The following NT5DC1 variants were observed in gnomAD, a reference collection of about 807,000 sequenced individuals.
The protein encoded by NT5DC1 is 5'-nucleotidase domain containing 1.
NT5DC1 carries 42 observed loss-of-function variants against 59.4 expected under a neutral mutation model. The observed-to-expected ratio is 0.71, with a 90% CI of 0.55 to 0.92. The LOEUF is 0.92. NT5DC1 is among the 40% of genes least tolerant of loss of function. The probability of loss-of-function intolerance (pLI) is 0.00; values close to 1 mark genes in which losing one functional copy is unlikely to be tolerated. For synonymous variants in NT5DC1, 172 were observed against 188.1 expected (o/e 0.91, Z 0.70); for missense variants, 501 against 537.1 (o/e 0.93, Z 0.66).
At chr6:116,111,042 C>T in intron 4 of NT5DC1, 86 bp downstream of exon 4, 1 of 883,706 alleles carries the variant, frequency 1.1e-6, no homozygotes. Flanking sequence ...AGAAGACCCC[C>T]CTTTCCCCTG....
intron 6 of NT5DC1, chr6:116,121,989 C>T (rs1779146645): frequency 6.3e-7 from 1 of 1,584,372 alleles, no homozygotes. Context: ...CACACCCACC[C>T]ATAGAAGGGG....
intron 6 of NT5DC1, among the ~76,000 whole-genome samples, chr6:116,201,581 A>T (rs577696687): frequency 1.3e-5 from 2 of 151,994 alleles, no homozygotes; most frequent in Admixed American, 1.3e-4. Flanking sequence ...TGATGATATT[A>T]AAAGTCTTGG....
At chr6:116,153,385 C>G (rs1459514952) in intron 6 of NT5DC1, among the ~76,000 whole-genome samples, 2 of 152,088 alleles carry the variant, frequency 1.3e-5, no homozygotes, top group African/African-American at 4.8e-5. Flanking sequence ...GATTTTAGAT[C>G]TAATATCTGT....
chr6:116,216,799 A>G (rs1035026555), intron 6 of NT5DC1, among the ~76,000 whole-genome samples: 1 of 152,176 alleles, frequency 6.6e-6, no homozygotes, highest in Non-Finnish European at 1.5e-5. Context: ...GTCTCTTAGC[A>G]AAGAAGTTTC....
chr6:116,224,834 T>C (rs1307262623), intron 8 of NT5DC1, among the ~76,000 whole-genome samples: 1 of 152,098 alleles, frequency 6.6e-6, no homozygotes, highest in Non-Finnish European at 1.5e-5. Flanking sequence ...AGAGACTACT[T>C]TGGCTGCTGG....
intron 6 of NT5DC1, chr6:116,121,065 T>C: frequency 1.2e-6 from 2 of 1,614,048 alleles, no homozygotes; most frequent in Non-Finnish European, 1.7e-6. Flanking sequence ...CTACCCGGGA[T>C]GCCTTTTGGT....
chr6:116,157,609 C>T (rs527939007), intron 6 of NT5DC1, among the ~76,000 whole-genome samples: 37 of 152,218 alleles, frequency 2.4e-4, no homozygotes, highest in African/African-American at 8.7e-4. Context: ...TTCCAGTAGA[C>T]CATAACAAAA....
intron 6 of NT5DC1, among the ~76,000 whole-genome samples, chr6:116,203,409 A>G (rs1219775910): frequency 6.6e-6 from 1 of 151,882 alleles, no homozygotes; most frequent in Non-Finnish European, 1.5e-5. Flanking sequence ...TCCTGGAGAG[A>G]CACCTAACAC....
chr6:116,194,626 A>G (rs1204839), intron 6 of NT5DC1, among the ~76,000 whole-genome samples: 3,394 of 152,194 alleles, frequency 0.022, 137 homozygotes, highest in African/African-American at 0.078. Context: ...ATAATAAAGG[A>G]TAATGTGAAT....
chr6:116,105,620 A>G (rs1410479117), intron 1 of NT5DC1, among the ~76,000 whole-genome samples: 1 of 152,164 alleles, frequency 6.6e-6, no homozygotes, highest in East Asian at 1.9e-4. Context: ...AAAACCTAGC[A>G]TTTTTTGTTG....
intron 6 of NT5DC1, among the ~76,000 whole-genome samples, chr6:116,179,071 G>C (rs1293621580): frequency 6.6e-6 from 1 of 152,026 alleles, no homozygotes; most frequent in Non-Finnish European, 1.5e-5. Flanking sequence ...TGTTCATGCT[G>C]TTTTTTCTTC....
intron 6 of NT5DC1, chr6:116,120,845 A>C (rs148119438): frequency 1.9e-6 from 3 of 1,613,892 alleles, no homozygotes; most frequent in Non-Finnish European, 2.5e-6. Context: ...TGCTGGGCCC[A>C]CAGGGCCTGG....
intron 6 of NT5DC1, among the ~76,000 whole-genome samples, chr6:116,162,241 C>T (rs529576976): frequency 1.3e-5 from 2 of 152,202 alleles, no homozygotes; most frequent in African/African-American, 2.4e-5. Flanking sequence ...ATTTGACTTC[C>T]ACTTTTCCGA....
chr6:116,116,824 G>A (rs1374788287), intron 5 of NT5DC1, among the ~76,000 whole-genome samples: 1 of 151,992 alleles, frequency 6.6e-6, no homozygotes, highest in African/African-American at 2.4e-5. Context: ...TACAAGGAAA[G>A]TGTATCAGTC....
At chr6:116,230,333 CTTG>C (rs1218428433) in intron 8 of NT5DC1, among the ~76,000 whole-genome samples, 1 of 152,186 alleles carries the variant, frequency 6.6e-6, no homozygotes, top group Non-Finnish European at 1.5e-5. Context: ...ATTGTACAGT[CTTG>C]TTCCTAAATT....
chr6:116,137,394 G>A (rs1358979451), intron 6 of NT5DC1: 1 of 156,658 alleles, frequency 6.4e-6, no homozygotes, highest in African/African-American at 2.4e-5. Flanking sequence ...GCAGGTCACA[G>A]GGAAATCAGA....
At chr6:116,107,757 A>G (rs1373017824) in intron 2 of NT5DC1, among the ~76,000 whole-genome samples, 1 of 151,838 alleles carries the variant, frequency 6.6e-6, no homozygotes, top group Non-Finnish European at 1.5e-5. Context: ...TATTTTTAAT[A>G]GAGATGGGGT....
intron 3 of NT5DC1, among the ~76,000 whole-genome samples, chr6:116,108,951 A>G (rs1778814398): frequency 6.6e-6 from 1 of 151,686 alleles, no homozygotes; most frequent in Admixed American, 6.6e-5. Flanking sequence ...AGTCTCATCA[A>G]CCTCTTCCTC....
At chr6:116,186,582 C>A (rs576984032) in intron 6 of NT5DC1, among the ~76,000 whole-genome samples, 5 of 151,774 alleles carry the variant, frequency 3.3e-5, no homozygotes, top group African/African-American at 9.7e-5. Flanking sequence ...TTATTTAATT[C>A]TTTTTTCTTT....
Sources: gnomAD v4.1 joint callset for allele counts (sites outside exome capture counted in the v4.1 genomes callset) on GRCh38, gnomAD v4.1.1 for gene constraint, MANE v1.5 for transcripts, NCBI Gene and HGNC (gene_info 2026-07-23, HGNC 2026-07-21) for gene names.